MICALL2: variants seen among roughly 807,000 people sequenced by gnomAD.
MICALL2 encodes the protein MICAL like 2.
In MICALL2, 111 loss-of-function variants were observed where a neutral mutation model predicts 91.1. That is an observed-to-expected ratio of 1.22 (90% confidence interval 1.04 to 1.43). The LOEUF (loss-of-function observed/expected upper bound fraction) is 1.43, where lower values mean the gene tolerates loss of function less well. Ranked by LOEUF, MICALL2 falls within the 40% of genes most tolerant of loss-of-function variation. The probability of loss-of-function intolerance (pLI) is 0.00; values close to 1 mark genes in which losing one functional copy is unlikely to be tolerated. For synonymous variants in MICALL2, 694 were observed against 525.3 expected, an observed-to-expected ratio of 1.32 and a Z score of -4.39; for missense variants, 1,556 against 1,236.0, an observed-to-expected ratio of 1.26 and a Z score of -3.88.
Position 1,453,114 on chromosome 7 carries a change from G to A in MICALL2, c.144-2826C>T, listed in dbSNP as rs575927112. 1.3e-3 allele frequency among the ~76,000 whole-genome samples: 199 copies of A among 151,968 alleles called. 2 individuals are homozygous for A. Among genetic ancestry groups the A allele is most frequent in the South Asian group, 2.9e-3 (14 of 4,796 alleles). On this transcript the variant is annotated intron_variant, in intron 1 of 16. Coordinates refer to ENST00000297508, the MANE Select transcript of MICALL2 (RefSeq NM_182924.4). ...CCGTCTCGCAAGCCCCACCAACATC[G>A]CCAGGTGGAGACCCCACTCGTGTCT...
intron 9 of MICALL2, chr7:1,439,252 G>A (rs1780141491): frequency 2.0e-6 from 1 of 504,484 alleles, no homozygotes; most frequent in East Asian, 3.2e-5. Flanking sequence ...GCTGGATATG[G>A]ATCCAGGGCA....
chr7:1,435,721 G>C (rs112636034), intron 15 of MICALL2, among the ~76,000 whole-genome samples: 1 of 152,380 alleles, frequency 6.6e-6, no homozygotes, highest in Non-Finnish European at 1.5e-5. Flanking sequence ...GTCCGTGCAG[G>C]AGCCAGGAGA....
At chr7:1,442,932 T>C in intron 6 of MICALL2, among the ~76,000 whole-genome samples, 1 of 152,126 alleles carries the variant, frequency 6.6e-6, no homozygotes, top group East Asian at 1.9e-4. Flanking sequence ...ACACAGTCTC[T>C]CTGGCCCCGC....
chr7:1,436,949 CT>C (rs529097879), intron 14 of MICALL2, 93 bp from the exon 15 acceptor site: 19 of 905,566 alleles, frequency 2.1e-5, no homozygotes, highest in Admixed American at 3.5e-5. Flanking sequence ...CCAGGCTCCT[CT>C]TTTGGAGGAA....
chr7:1,453,731 A>G (rs12535457), intron 1 of MICALL2, among the ~76,000 whole-genome samples: 32,481 of 151,862 alleles, frequency 0.21, 6,016 homozygotes, highest in African/African-American at 0.5. Flanking sequence ...GGCATCCTCC[A>G]GGGTTTAATC....
intron 8 of MICALL2, 24 bp downstream of exon 8, chr7:1,440,566 TG>T: frequency 6.3e-7 from 1 of 1,599,314 alleles, no homozygotes; most frequent in Non-Finnish European, 8.6e-7. Context: ...TACCAGGCCC[TG>T]GGCCAGCCCC....
In MICALL2 at chr7:1,437,605, G is replaced by T; in HGVS notation, c.2406C>A (p.Ser802=). The change falls in exon 14 of 17, where the codon TCC becomes TCA. Residue 802 remains serine, a synonymous_variant. Coordinates refer to ENST00000297508, the MANE Select transcript of MICALL2 (RefSeq NM_182924.4). ...GCTGCTCCTCCAGACGCTGGGCCTT[G>T]GACCTGCCGCACAGACACGCGTCTG... The part of the protein sequence containing the change: ...LRQESELMYK[S]KAQRLEEQQL... 8 of 1,539,376 alleles carry T rather than the reference G, an allele frequency of 5.2e-6. No homozygotes were observed. Among genetic ancestry groups the T allele is most frequent in the Non-Finnish European group, 7.0e-6 (8 of 1,146,278 alleles).
At position 1,439,480 on chromosome 7, in the gene MICALL2, G is replaced by GAC. The variant is rs1562450282; in HGVS notation, c.1966+443_1966+444dup. 1.6e-4 allele frequency: 18 copies of GAC among 109,158 alleles called. No individual in the cohort carries two copies. The East Asian group carries it at 2.6e-3, about 16-fold the overall frequency. The allele number at this position is 109,158 out of a possible 1,614,324, so 6.8% of individuals were successfully genotyped here. A position where few individuals can be genotyped will look rare whatever the true frequency, so the allele number is the denominator to read the frequency against. On this transcript the variant is annotated intron_variant, in intron 9 of 16. Transcript: ENST00000297508. ...GCACATGAACACAGATGTACACATG[G>GAC]ACACATGCATCACGTGTGGGCACAC... is the stretch of plus-strand genomic sequence containing the variant.
intron 1 of MICALL2, 122 bp downstream of exon 1, chr7:1,459,061 CT>C: frequency 1.0e-6 from 1 of 979,734 alleles, no homozygotes; most frequent in Non-Finnish European, 1.5e-6. Context: ...GCACGGTGGG[CT>C]GTGCCTGCCC....
rs149451475 is a variant in MICALL2 at position 1,442,338 on chromosome 7, G to C, written c.1565C>G (p.Thr522Arg). Residue 522 changes from threonine to arginine, a missense_variant, in exon 7 of 17, where the codon ACG becomes AGG. Thr to Arg is a moderately conservative substitution (Grantham distance 71). Transcript: ENST00000297508. ...CGCGGATGCCTGAGAGGTACTGCTC[G>C]TGCTCAGCGGGGCTGGCGGTTCCAT... ...SRMEPPAPLSTSSTSQASALP... is the reference protein window; with the variant it reads ...SRMEPPAPLSRSSTSQASALP... 4 of 1,613,086 alleles carry C rather than the reference G, an allele frequency of 2.5e-6. No individual in the cohort carries two copies. Among genetic ancestry groups the C allele is most frequent in the East Asian group, 4.5e-5 (2 of 44,884 alleles).
At position 1,445,044 on chromosome 7, in the gene MICALL2, A is replaced by G. The variant is rs1780505868; in HGVS notation, c.1026T>C (p.Asn342=). 2.6e-6 allele frequency: 4 copies of G among 1,541,402 alleles called. No individual in the cohort carries two copies. In the African/African-American group the frequency reaches 4.1e-5, roughly 16 times the overall value. The change falls in exon 6 of 17, where the codon AAT becomes AAC. Residue 342 remains asparagine (N), a synonymous_variant. Transcript: ENST00000297508. ...CTGACGACCAGCCCATCGGGGAGCT[A>G]TTGGTCACACGAGGGCGGACTTTCC... ...TEGKVRPRVT[N]SSPMGWSSAA... is the part of the protein sequence containing the mutation.
At chr7:1,448,946 CG>C (rs1473847216) in intron 2 of MICALL2, among the ~76,000 whole-genome samples, 185 bp from the exon 3 acceptor site, 2 of 152,230 alleles carry the variant, frequency 1.3e-5, no homozygotes, top group African/African-American at 2.4e-5. Context: ...GCGGGGATCA[CG>C]GTCCCATCTG....
chr7:1,445,498 C>T (rs2128522768), intron 5 of MICALL2, 70 bp from the exon 6 acceptor site: 1 of 1,390,882 alleles, frequency 7.2e-7, no homozygotes, highest in African/African-American at 1.5e-5. Context: ...CCACGTGCTC[C>T]TGATAGCAGG....
chr7:1,447,526 C>T, intron 4 of MICALL2, 49 bp downstream of exon 4: 3 of 1,227,090 alleles, frequency 2.4e-6, no homozygotes, highest in South Asian at 3.1e-5. Flanking sequence ...TTCTGCACCC[C>T]CCGGTGGAAA....
chr7:1,439,634 GACATGCATCACGTGC>G (rs1011943765), intron 9 of MICALL2: 11 of 346,624 alleles, frequency 3.2e-5, no homozygotes, highest in South Asian at 1.1e-4. Context: ...CAGACACATG[GACATGCATCACGTGC>G]ACATGCATCA....
At chr7:1,446,567 A>AGGGGGAG in intron 5 of MICALL2, 146 bp downstream of exon 5, 2 of 445,992 alleles carry the variant, frequency 4.5e-6, no homozygotes, top group Admixed American at 3.3e-5. Context: ...GGAGACGGGG[A>AGGGGGAG]GGGGGAGGGG....
intron 1 of MICALL2, among the ~76,000 whole-genome samples, chr7:1,455,294 TG>T (rs1246972809): frequency 6.6e-6 from 1 of 151,486 alleles, no homozygotes; most frequent in Non-Finnish European, 1.5e-5. Context: ...AGGCGGGAGG[TG>T]GGGCTGTTTG....
chr7:1,434,558 A>T lies in MICALL2; in HGVS notation c.*38T>A. ...CCCATGGCCCCGAGTCCAAGTCCGG[A>T]TGCCAGGTCCGGGCCGAGCCCACGG... On this transcript the variant is annotated 3_prime_UTR_variant, in exon 17 of 17. Coordinates refer to ENST00000297508, the MANE Select transcript of MICALL2 (RefSeq NM_182924.4). The T allele has an allele frequency of 1.3e-6, 2 of 1,563,552 alleles. No homozygotes were observed. The highest frequency in any genetic ancestry group is 1.8e-6 in the Non-Finnish European group (2 of 1,134,582).
chr7:1,446,966 CGG>C, intron 4 of MICALL2, 138 bp from the exon 5 acceptor site: 1 of 640,708 alleles, frequency 1.6e-6, no homozygotes. Flanking sequence ...GGGCTGCGGT[CGG>C]GGTCACACCC....
Sources: gnomAD v4.1 joint callset for allele counts (sites outside exome capture counted in the v4.1 genomes callset) on GRCh38, gnomAD v4.1.1 for gene constraint, MANE v1.5 for transcripts, NCBI Gene and HGNC (gene_info 2026-07-23, HGNC 2026-07-21) for gene names.